Variants in CDKN2B-AS1 observed in about 807,000 individuals in gnomAD.
CDKN2B-AS1 encodes the protein CDKN2B antisense RNA 1 (non-protein coding).
intron 4 of CDKN2B-AS1, chr9:22,097,115 A>G (rs1360152585): frequency 1.3e-5 from 2 of 152,152 alleles, no homozygotes; most frequent in South Asian, 2.1e-4. Context: ...CCCATTCTTA[A>G]TCTTTCTGAT....
In CDKN2B-AS1 at chr9:22,050,796, T is replaced by G. The variant is rs577480167; in HGVS notation, n.302+1568T>G. On this transcript the variant is annotated intron_variant and non_coding_transcript_variant, in intron 3 of 4. Transcript: ENST00000650946. The stretch of plus-strand genomic sequence containing the variant: ...ACTCATGCTTCTTGCCATGTCAATC[T>G]GCTTATCTAATTTTGCTGGGAAATC... Among the ~76,000 whole-genome samples, 10 of 152,334 alleles carry G rather than the reference T, an allele frequency of 6.6e-5. No individual in the cohort carries two copies. In the East Asian group the frequency reaches 1.7e-3, roughly 26 times the overall value.
chr9:22,027,463 G>A (rs1244801374), intron 1 of CDKN2B-AS1, among the ~76,000 whole-genome samples: 1 of 152,146 alleles, frequency 6.6e-6, no homozygotes, highest in Non-Finnish European at 1.5e-5. Flanking sequence ...TAATATCGCT[G>A]ATAAGAGTCT....
intron 4 of CDKN2B-AS1, among the ~76,000 whole-genome samples, chr9:22,065,376 C>T (rs541063049): frequency 1.3e-5 from 2 of 152,248 alleles, no homozygotes; most frequent in East Asian, 1.9e-4. Context: ...TCCCTTGACT[C>T]GACAATAAAG....
At chr9:22,071,466 T>C (rs1219478108) in intron 4 of CDKN2B-AS1, among the ~76,000 whole-genome samples, 2 of 151,810 alleles carry the variant, frequency 1.3e-5, no homozygotes, top group East Asian at 1.9e-4. Flanking sequence ...GATAGAGTGA[T>C]TGAGTTTAGT....
intron 1 of CDKN2B-AS1, chr9:22,008,745 C>T (rs368328782): frequency 6.2e-6 from 10 of 1,610,440 alleles, no homozygotes; most frequent in Admixed American, 1.7e-5. Context: ...CCGCCGAGGC[C>T]GCGCCCCGCG....
chr9:22,017,837 C>A (rs643319), intron 1 of CDKN2B-AS1, among the ~76,000 whole-genome samples: 60,196 of 152,002 alleles, frequency 0.4, 12,672 homozygotes, highest in Non-Finnish European at 0.48. Context: ...TAGTAACCAA[C>A]CTTAAACTAC....
At position 22,086,368 on chromosome 9, in the gene CDKN2B-AS1, C is replaced by T. The variant is rs181396738; in HGVS notation, n.438+29981C>T. ...TTAAAAGTATTTAAAACACAAGTAACTTGAGAAAGGTGAGTTGGAAGTTTA... is the reference window on the plus strand; with the variant it reads ...TTAAAAGTATTTAAAACACAAGTAATTTGAGAAAGGTGAGTTGGAAGTTTA... On this transcript the variant is annotated intron_variant and non_coding_transcript_variant, in intron 4 of 4. Coordinates refer to ENST00000650946, the Ensembl canonical transcript of CDKN2B-AS1. 2.0e-5 allele frequency among the ~76,000 whole-genome samples: 3 copies of T among 152,256 alleles called. No individual in the cohort carries two copies. In the East Asian group the frequency reaches 5.8e-4, roughly 29 times the overall value.
chr9:22,128,121 T>A (rs1170091303), downstream of CDKN2B-AS1, among the ~76,000 whole-genome samples: 1 of 152,198 alleles, frequency 6.6e-6, no homozygotes, highest in Non-Finnish European at 1.5e-5. Context: ...ATATTTGCAA[T>A]AAATGATCAA....
chr9:22,054,712 T>A (rs1270411586), intron 3 of CDKN2B-AS1, among the ~76,000 whole-genome samples: 1 of 150,352 alleles, frequency 6.7e-6, no homozygotes, highest in African/African-American at 2.4e-5. Flanking sequence ...TTTTTTTAAA[T>A]TTTTATTTAT....
intron 1 of CDKN2B-AS1, chr9:22,002,948 A>T (rs895026570): frequency 1.6e-5 from 3 of 193,448 alleles, no homozygotes; most frequent in African/African-American, 7.0e-5. Flanking sequence ...ATCTTCTTGG[A>T]ATAAATGTCA....
At chr9:22,125,683 G>C (rs1818009672) in intron 4 of CDKN2B-AS1, among the ~76,000 whole-genome samples, 1 of 152,180 alleles carries the variant, frequency 6.6e-6, no homozygotes, top group Non-Finnish European at 1.5e-5. Flanking sequence ...CAGCAATTAT[G>C]AGCCCTTTGT....
intron 1 of CDKN2B-AS1, among the ~76,000 whole-genome samples, chr9:22,002,507 T>C (rs989757125): frequency 2.0e-5 from 3 of 151,908 alleles, no homozygotes; most frequent in Non-Finnish European, 4.4e-5. Context: ...CTATTACATA[T>C]CAATGCACAC....
At chr9:22,024,157 T>G (rs1190143606) in intron 1 of CDKN2B-AS1, among the ~76,000 whole-genome samples, 1 of 152,212 alleles carries the variant, frequency 6.6e-6, no homozygotes. Context: ...TTTGATTGTG[T>G]TATAAGGTCA....
chr9:22,014,090 GA>G (rs1296986288), intron 1 of CDKN2B-AS1, among the ~76,000 whole-genome samples: 2 of 152,106 alleles, frequency 1.3e-5, no homozygotes, highest in East Asian at 3.8e-4. Flanking sequence ...TTTTCTTGGG[GA>G]TGGCAAAATG....
intron 4 of CDKN2B-AS1, among the ~76,000 whole-genome samples, chr9:22,104,410 C>A (rs983953771): frequency 1.3e-5 from 2 of 152,076 alleles, no homozygotes; most frequent in African/African-American, 4.8e-5. Flanking sequence ...TTTCACTTGC[C>A]CAAGTGAGGA....
At position 22,000,004 on chromosome 9, in the gene CDKN2B-AS1, T is replaced by C. The variant is rs541080521; in HGVS notation, n.29+4843T>C. 6.6e-6 allele frequency among the ~76,000 whole-genome samples: 1 copy of C among 152,208 alleles called. No individual in the cohort carries two copies. The highest frequency in any genetic ancestry group is 1.5e-5 in the Non-Finnish European group (1 of 67,972). The stretch of plus-strand genomic sequence containing the variant: ...TACCTTTGGGTAGTAAGAATGAGGG[T>C]GGGAAAAATTTCAGATTTTTGCTTA... On this transcript the variant is annotated intron_variant and non_coding_transcript_variant, in intron 1 of 4. Transcript: ENST00000650946. This position sits in a 1 kb window ranked among gnomAD's most constrained non-coding sequence, Gnocchi z 4.1.
At chr9:22,042,390 T>A (rs1485541650) in intron 1 of CDKN2B-AS1, among the ~76,000 whole-genome samples, 1 of 152,106 alleles carries the variant, frequency 6.6e-6, no homozygotes, top group Non-Finnish European at 1.5e-5. Context: ...TTCACAGAGC[T>A]CAGTAATCCA....
At chr9:22,084,856 G>T (rs1024179975) in intron 4 of CDKN2B-AS1, among the ~76,000 whole-genome samples, 10 of 152,116 alleles carry the variant, frequency 6.6e-5, no homozygotes, top group African/African-American at 2.4e-4. Context: ...TAAAGAAATT[G>T]CATTCTTTTC....
chr9:22,089,545 C>T (rs925094275), intron 4 of CDKN2B-AS1, among the ~76,000 whole-genome samples: 11 of 152,232 alleles, frequency 7.2e-5, no homozygotes, highest in Non-Finnish European at 1.6e-4. Flanking sequence ...ATCTTCCCAC[C>T]TCTGCCTCCC....
Sources: gnomAD v4.1 joint callset for allele counts (sites outside exome capture counted in the v4.1 genomes callset) on GRCh38, gnomAD v4.1.1 for gene constraint, Gnocchi (gnomAD v3.1) non-coding constraint, MANE v1.5 for transcripts, NCBI Gene and HGNC (gene_info 2026-07-23, HGNC 2026-07-21) for gene names.